The following NPAS3 variants were observed in gnomAD, a reference collection of about 807,000 sequenced individuals.
The protein encoded by NPAS3 is neuronal PAS domain protein 3.
Under a neutral mutation model 73.1 loss-of-function variants are expected in NPAS3, and 14 were observed. The observed-to-expected ratio is 0.19, with a 90% CI of 0.13 to 0.30. The LOEUF is 0.30. NPAS3 is among the 10% of genes least tolerant of loss of function. The pLI is 1.00. For missense variants in NPAS3, 1,096 were observed against 1,250.0 expected (o/e 0.88, Z 1.86); for synonymous variants, 620 against 541.5 (o/e 1.14, Z -2.01).
chr14:32,998,634 A>AC (rs2038681496), intron 1 of NPAS3, among the ~76,000 whole-genome samples: 1 of 152,144 alleles, frequency 6.6e-6, no homozygotes, highest in Non-Finnish European at 1.5e-5. Context: ...TTCACAATCC[A>AC]CCTGCAACCT....
chr14:33,716,770 G>C (rs1177449534), intron 6 of NPAS3, among the ~76,000 whole-genome samples: 1 of 151,822 alleles, frequency 6.6e-6, no homozygotes, highest in Admixed American at 6.6e-5. Context: ...CCTTCTTTTA[G>C]TCTGCATGTC....
intron 4 of NPAS3, among the ~76,000 whole-genome samples, chr14:33,415,117 C>T (rs2048094907): frequency 6.6e-6 from 1 of 152,094 alleles, no homozygotes; most frequent in Non-Finnish European, 1.5e-5. Context: ...GGTGAGCAAC[C>T]TCCATGCAGA....
At chr14:33,574,077 G>A (rs146626451) in intron 5 of NPAS3, among the ~76,000 whole-genome samples, 14 of 152,288 alleles carry the variant, frequency 9.2e-5, no homozygotes, top group East Asian at 7.7e-4. Flanking sequence ...CTCAAGAGAG[G>A]TTGGGTTCAA....
At chr14:33,085,135 T>C (rs1295821438) in intron 2 of NPAS3, among the ~76,000 whole-genome samples, 28 of 152,210 alleles carry the variant, frequency 1.8e-4, no homozygotes, top group Admixed American at 1.6e-3. Context: ...TGGTACCATG[T>C]TGCGTGAGAT....
intron 4 of NPAS3, among the ~76,000 whole-genome samples, chr14:33,516,066 C>T (rs1366843900): frequency 6.6e-6 from 1 of 151,780 alleles, no homozygotes; most frequent in Admixed American, 6.6e-5. Flanking sequence ...CTCATAGCAT[C>T]TCTGCTAAGT....
At position 33,042,546 on chromosome 14, in the gene NPAS3, G is replaced by C. The variant is rs150752687; in HGVS notation, c.51-13359G>C. Among the ~76,000 whole-genome samples, 737 of 152,254 alleles carry C rather than the reference G, an allele frequency of 4.8e-3. 8 individuals are homozygous for C. The highest frequency in any genetic ancestry group is 0.016 in the African/African-American group (684 of 41,550). ...CCTTTGCCAAAATATCAATGCAATT[G>C]AGGCACATTTCTTGCTCTCTACCCC... On this transcript the variant is annotated intron_variant, in intron 1 of 11. Transcript: ENST00000356141.
chr14:33,609,499 G>C (rs2057684508), intron 5 of NPAS3, among the ~76,000 whole-genome samples: 1 of 150,758 alleles, frequency 6.6e-6, no homozygotes, highest in Admixed American at 6.7e-5. Flanking sequence ...ATAGGTTCCT[G>C]TCTTAATTCA....
At chr14:32,943,200 G>C (rs1313705771) in intron 1 of NPAS3, among the ~76,000 whole-genome samples, 1 of 151,768 alleles carries the variant, frequency 6.6e-6, no homozygotes, top group Non-Finnish European at 1.5e-5. Flanking sequence ...GTTACATGAG[G>C]TGTTTTCACC....
At chr14:33,276,714 T>C (rs563691306) in intron 3 of NPAS3, among the ~76,000 whole-genome samples, 1 of 152,260 alleles carries the variant, frequency 6.6e-6, no homozygotes, top group East Asian at 1.9e-4. Context: ...GAACATATCA[T>C]ACTTGGCATA....
intron 2 of NPAS3, among the ~76,000 whole-genome samples, chr14:33,174,215 T>G (rs767828111): frequency 5.9e-5 from 9 of 152,208 alleles, no homozygotes; most frequent in Non-Finnish European, 1.2e-4. Context: ...TTTAGCCATC[T>G]ATGACTTATC....
chr14:33,728,533 G>A (rs1051802411), intron 6 of NPAS3, among the ~76,000 whole-genome samples: 1 of 152,284 alleles, frequency 6.6e-6, no homozygotes, highest in East Asian at 1.9e-4. Flanking sequence ...AAGTCTGACT[G>A]CTGAGCCAAA....
chr14:33,031,238 T>G (rs1159998206), intron 1 of NPAS3, among the ~76,000 whole-genome samples: 1 of 152,252 alleles, frequency 6.6e-6, no homozygotes, highest in Non-Finnish European at 1.5e-5. Context: ...CTTCTCATGT[T>G]CTGTCACTAA....
chr14:33,257,150 T>C (rs2048808229), intron 3 of NPAS3, among the ~76,000 whole-genome samples: 1 of 152,176 alleles, frequency 6.6e-6, no homozygotes, highest in Non-Finnish European at 1.5e-5. Flanking sequence ...ACCCTCCTTC[T>C]TCCTAACAGA....
chr14:33,197,944 C>T (rs143698943), intron 2 of NPAS3, among the ~76,000 whole-genome samples: 4 of 152,266 alleles, frequency 2.6e-5, no homozygotes, highest in Non-Finnish European at 4.4e-5. Flanking sequence ...TTCTGATGTT[C>T]GGACGTGTTC....
chr14:33,094,138 C>T (rs1218582504), intron 2 of NPAS3, among the ~76,000 whole-genome samples: 1 of 151,846 alleles, frequency 6.6e-6, no homozygotes, highest in Non-Finnish European at 1.5e-5. Flanking sequence ...TGCCCACCAC[C>T]TTACAAAGCT....
At chr14:33,140,286 G>C (rs1019401636) in intron 2 of NPAS3, among the ~76,000 whole-genome samples, 3 of 152,128 alleles carry the variant, frequency 2.0e-5, no homozygotes, top group Non-Finnish European at 4.4e-5. Flanking sequence ...TCAGATATTA[G>C]GAAATGGATT....
In NPAS3 at chr14:32,999,249, T is replaced by C. The variant is rs184651085; in HGVS notation, c.51-56656T>C. Among the ~76,000 whole-genome samples, 96 of 152,288 alleles carry C rather than the reference T, an allele frequency of 6.3e-4. No individual in the cohort carries two copies. The East Asian group carries it at 0.01, about 17-fold the overall frequency. On this transcript the variant is annotated intron_variant, in intron 1 of 11. Transcript: ENST00000356141. ...TATTCCGGCCGGGTGCGGTGGCTCA[T>C]GCCTGTAATCCCAGCCCTTTGGGAG...
At chr14:33,171,051 A>G (rs990588447) in intron 2 of NPAS3, among the ~76,000 whole-genome samples, 3 of 152,236 alleles carry the variant, frequency 2.0e-5, no homozygotes, top group Admixed American at 2.0e-4. Context: ...TTTTTTAAGT[A>G]GTAAGACTTG....
intron 1 of NPAS3, among the ~76,000 whole-genome samples, chr14:32,958,880 G>A (rs2036789420): frequency 6.6e-6 from 1 of 152,200 alleles, no homozygotes; most frequent in Non-Finnish European, 1.5e-5. Flanking sequence ...AATGGTGATG[G>A]TGGTAGTATT....
Sources: allele counts gnomAD v4.1 joint callset (sites outside exome capture counted in the v4.1 genomes callset), GRCh38; gene constraint gnomAD v4.1.1; transcripts MANE v1.5; gene names NCBI Gene and HGNC (gene_info 2026-07-23, HGNC 2026-07-21).